The following VPS13B variants were observed in gnomAD, a reference collection of about 807,000 sequenced individuals.
The protein encoded by VPS13B is intermembrane lipid transfer protein VPS13B.
In VPS13B, 285 loss-of-function variants were observed where a neutral mutation model predicts 426.4. The ratio of observed to expected loss-of-function variants is 0.67; its 90% confidence interval spans 0.61 to 0.74. The LOEUF (loss-of-function observed/expected upper bound fraction) is 0.74. Among genes scored for constraint, VPS13B ranks in the 30% least tolerant of loss-of-function variants. The pLI is 0.00. For synonymous variants in VPS13B, 1,676 were observed against 1,676.4 expected (o/e 1.00, Z 0.01); for missense variants, 4,537 against 4,782.6 (o/e 0.95, Z 1.51).
At chr8:99,862,329 C>T (rs1441590413) in intron 58 of VPS13B, among the ~76,000 whole-genome samples, 4 of 152,170 alleles carry the variant, frequency 2.6e-5, no homozygotes, top group African/African-American at 7.2e-5. Context: ...CATGCTGAGC[C>T]GCTTCTTTTG....
intron 25 of VPS13B, among the ~76,000 whole-genome samples, chr8:99,497,192 A>T (rs1327117682): frequency 7.1e-6 from 1 of 140,832 alleles, no homozygotes; most frequent in Non-Finnish European, 1.5e-5. Flanking sequence ...ATATAAATAC[A>T]TGTATTTATA....
intron 19 of VPS13B, among the ~76,000 whole-genome samples, chr8:99,308,788 G>C (rs1440032572): frequency 6.6e-6 from 1 of 152,154 alleles, no homozygotes; most frequent in African/African-American, 2.4e-5. Flanking sequence ...CTAGTTTACA[G>C]TGCCACCAAC....
intron 33 of VPS13B, among the ~76,000 whole-genome samples, chr8:99,588,703 G>A (rs917078496): frequency 3.3e-5 from 5 of 151,710 alleles, no homozygotes; most frequent in African/African-American, 1.2e-4. Context: ...TCAGCTTAAG[G>A]AGATTTTGGG....
intron 33 of VPS13B, among the ~76,000 whole-genome samples, chr8:99,619,886 G>GATA (rs60817713): frequency 0.067 from 9,879 of 146,790 alleles, 375 homozygotes; most frequent in African/African-American, 0.11. Flanking sequence ...AAATGATGAT[G>GATA]ATAATAATAA....
At chr8:99,296,936 A>G (rs1259571910) in intron 19 of VPS13B, among the ~76,000 whole-genome samples, 1 of 152,118 alleles carries the variant, frequency 6.6e-6, no homozygotes, top group African/African-American at 2.4e-5. Context: ...AGTCTTGAGT[A>G]TTTTGTCATA....
intron 39 of VPS13B, among the ~76,000 whole-genome samples, chr8:99,736,112 G>A (rs1385260485): frequency 2.0e-5 from 3 of 152,192 alleles, no homozygotes; most frequent in Non-Finnish European, 4.4e-5. Flanking sequence ...TGCTCAGTAT[G>A]TGTGGAAAGG....
chr8:99,873,322 A>C (rs1817526972), intron 61 of VPS13B: 1 of 152,156 alleles, frequency 6.6e-6, no homozygotes, highest in Admixed American at 6.5e-5. Context: ...CAGTTTCCCT[A>C]GGGGTTGAGA....
At chr8:99,816,466 A>G (rs925692540) in intron 44 of VPS13B, among the ~76,000 whole-genome samples, 2 of 152,172 alleles carry the variant, frequency 1.3e-5, no homozygotes, top group Admixed American at 1.3e-4. Flanking sequence ...AAGTTGAATA[A>G]CCCATAGGTT....
intron 19 of VPS13B, among the ~76,000 whole-genome samples, chr8:99,291,219 C>G (rs1007940054): frequency 6.6e-6 from 1 of 151,882 alleles, no homozygotes; most frequent in African/African-American, 2.4e-5. Flanking sequence ...AGGCAAGCAC[C>G]CAGGATGTGG....
In VPS13B at chr8:99,835,246, C is replaced by A; in HGVS notation, c.9664C>A (p.Leu3222Ile). Reference protein sequence around the residue: ...QEHLGVTYLTLSEDPSPRVII... With the variant: ...QEHLGVTYLTISEDPSPRVII... Reference sequence around the variant, plus strand: ...ACACCTCGGAGTGACTTATTTAACCCTCTCAGAAGACCCTAGTCCTCGAGT... The same window carrying A: ...ACACCTCGGAGTGACTTATTTAACCATCTCAGAAGACCCTAGTCCTCGAGT... The change falls in exon 53 of 62, where the codon CTC becomes ATC. Residue 3222 changes from leucine to isoleucine, a missense_variant. Physicochemically the swap from Leu to Ile is conservative, Grantham distance 5 (BLOSUM62 2). Around this residue, in one of 2 missense-constraint regions of VPS13B, gnomAD observed 4,311 missense variants for 4,474.3 expected, o/e 0.96. Coordinates refer to ENST00000357162, the MANE Select transcript of VPS13B (RefSeq NM_152564.5). 1 of 1,613,974 alleles carries A rather than the reference C, an allele frequency of 6.2e-7. No individual in the cohort carries two copies. Among genetic ancestry groups the A allele is most frequent in the South Asian group, 1.1e-5 (1 of 91,066 alleles).
chr8:99,656,909 C>G (rs1359478633), intron 34 of VPS13B, among the ~76,000 whole-genome samples: 1 of 152,210 alleles, frequency 6.6e-6, no homozygotes, highest in Non-Finnish European at 1.5e-5. Context: ...ATTCAATTTT[C>G]ATTAACCATG....
intron 19 of VPS13B, among the ~76,000 whole-genome samples, chr8:99,309,844 A>G (rs200587662): frequency 1.3e-5 from 2 of 151,968 alleles, no homozygotes; most frequent in Admixed American, 6.6e-5. Context: ...TGTTTGTGTC[A>G]TCTTTTATTT....
At chr8:99,600,379 G>A (rs1048579192) in intron 33 of VPS13B, among the ~76,000 whole-genome samples, 2 of 152,140 alleles carry the variant, frequency 1.3e-5, no homozygotes, top group African/African-American at 4.8e-5. Context: ...TTGGTTAGAA[G>A]CACTACAGTT....
chr8:99,289,170 AT>A (rs1819597229), intron 19 of VPS13B, among the ~76,000 whole-genome samples: 1 of 152,130 alleles, frequency 6.6e-6, no homozygotes, highest in South Asian at 2.1e-4. Context: ...TAAAGTTGAA[AT>A]TTTCCAAATT....
intron 17 of VPS13B, among the ~76,000 whole-genome samples, chr8:99,236,213 A>G (rs745665917): frequency 6.6e-6 from 1 of 152,104 alleles, no homozygotes; most frequent in Non-Finnish European, 1.5e-5. Context: ...TTTTGCTTTA[A>G]TGATAGGTGT....
rs147248564 is a variant in VPS13B at position 99,682,754 on chromosome 8, C to T, written c.6047-16771C>T. 6.8e-3 allele frequency among the ~76,000 whole-genome samples: 1,035 copies of T among 152,246 alleles called. 10 individuals are homozygous for T. The highest frequency in any genetic ancestry group is 0.024 in the African/African-American group (1,000 of 41,546). On this transcript the variant is annotated intron_variant, in intron 35 of 61. Transcript: ENST00000357162. ...CCGTGATAACCCCTGCCTGGCTATC[C>T]GCCTGTGTTCACTCAAGGTCCTAGG...
At chr8:99,255,271 C>T (rs1817689277) in intron 17 of VPS13B, among the ~76,000 whole-genome samples, 1 of 152,030 alleles carries the variant, frequency 6.6e-6, no homozygotes, top group Non-Finnish European at 1.5e-5. Context: ...TATTTCTTTG[C>T]CAAAATCTAT....
intron 34 of VPS13B, among the ~76,000 whole-genome samples, chr8:99,649,761 A>G (rs1829733214): frequency 6.6e-6 from 1 of 152,124 alleles, no homozygotes; most frequent in Non-Finnish European, 1.5e-5. Flanking sequence ...TTAAAACCAC[A>G]GGGGACTTAA....
chr8:99,530,631 TAGTAGCAGCAGC>T (rs1772718695), intron 30 of VPS13B, among the ~76,000 whole-genome samples: 1 of 139,932 alleles, frequency 7.1e-6, no homozygotes, highest in East Asian at 2.0e-4. Flanking sequence ...AAAAAAAAAA[TAGTAGCAGCAGC>T]AGTAGTAGCA....
Sources: allele counts gnomAD v4.1 joint callset (sites outside exome capture counted in the v4.1 genomes callset), GRCh38; gene constraint gnomAD v4.1.1; regional missense constraint gnomAD v4.1.1; transcripts MANE v1.5; gene names NCBI Gene and HGNC (gene_info 2026-07-23, HGNC 2026-07-21).